Variants in VPS13B observed in about 807,000 individuals in gnomAD.
VPS13B encodes vacuolar protein sorting 13 homolog B.
Under a neutral mutation model 426.4 loss-of-function variants are expected in VPS13B, and 285 were observed. That is an observed-to-expected ratio of 0.67 (90% CI 0.61 to 0.74). The LOEUF (loss-of-function observed/expected upper bound fraction) is 0.74, where lower values mean the gene tolerates loss of function less well. Among genes scored for constraint, VPS13B ranks in the 30% least tolerant of loss-of-function variants. The pLI is 0.00. For missense variants in VPS13B, 4,537 were observed against 4,782.6 expected, an observed-to-expected ratio of 0.95 and a Z score of 1.51; for synonymous variants, 1,676 against 1,676.4, an observed-to-expected ratio of 1.00 and a Z score of 0.01.
At chr8:99,739,826 C>T (rs1809598612) in intron 39 of VPS13B, among the ~76,000 whole-genome samples, 1 of 152,128 alleles carries the variant, frequency 6.6e-6, no homozygotes, top group African/African-American at 2.4e-5. Flanking sequence ...ATCTGTACGT[C>T]ACCAAAATCA....
intron 30 of VPS13B, among the ~76,000 whole-genome samples, chr8:99,543,699 A>G (rs1823776414): frequency 6.7e-6 from 1 of 149,586 alleles, no homozygotes; most frequent in Admixed American, 6.6e-5. Context: ...GCAGCCAAAA[A>G]ACACATGAAA....
At chr8:99,376,354 TTATCTC>T (rs1181507035) in intron 19 of VPS13B, among the ~76,000 whole-genome samples, 5 of 152,166 alleles carry the variant, frequency 3.3e-5, no homozygotes, top group Admixed American at 3.3e-4. Flanking sequence ...AAAGAGAACA[TTATCTC>T]TAAATTGTAA....
intron 35 of VPS13B, among the ~76,000 whole-genome samples, chr8:99,674,837 T>C (rs191133025): frequency 1.0e-3 from 156 of 152,260 alleles, no homozygotes; most frequent in African/African-American, 3.6e-3. Flanking sequence ...AAAAAACCTC[T>C]ACTCTTATAC....
intron 58 of VPS13B, among the ~76,000 whole-genome samples, chr8:99,866,728 T>C (rs1817120352): frequency 6.6e-6 from 1 of 152,222 alleles, no homozygotes; most frequent in Non-Finnish European, 1.5e-5. Flanking sequence ...TTCACTTTGA[T>C]AATCTGCTGA....
chr8:99,609,842 T>A (rs763153078), intron 33 of VPS13B, among the ~76,000 whole-genome samples: 2 of 152,258 alleles, frequency 1.3e-5, no homozygotes, highest in Non-Finnish European at 2.9e-5. Flanking sequence ...TTCATGCTAC[T>A]GCCTGGATTC....
chr8:99,460,319 G>A (rs3134151), intron 23 of VPS13B, among the ~76,000 whole-genome samples: 39,760 of 151,750 alleles, frequency 0.26, 5,944 homozygotes, highest in East Asian at 0.44. Flanking sequence ...CCTCAGTTAA[G>A]CTCCTAAATT....
intron 3 of VPS13B, among the ~76,000 whole-genome samples, chr8:99,048,213 T>C (rs1445581451): frequency 2.6e-5 from 4 of 152,072 alleles, no homozygotes; most frequent in Non-Finnish European, 5.9e-5. Flanking sequence ...TCTGAGAGAG[T>C]GCTTGATATA....
At chr8:99,322,537 G>C (rs1272692811) in intron 19 of VPS13B, among the ~76,000 whole-genome samples, 1 of 152,154 alleles carries the variant, frequency 6.6e-6, no homozygotes, top group East Asian at 1.9e-4. Context: ...TAATTTGAGG[G>C]TTGGTCATTA....
chr8:99,438,227 A>G (rs1817498874), intron 22 of VPS13B, among the ~76,000 whole-genome samples: 1 of 152,028 alleles, frequency 6.6e-6, no homozygotes, highest in South Asian at 2.1e-4. Context: ...GGGTGTCTCA[A>G]GCAGCATGAG....
At chr8:99,834,546 AT>A (rs554743714) in intron 52 of VPS13B, among the ~76,000 whole-genome samples, 1 of 145,866 alleles carries the variant, frequency 6.9e-6, no homozygotes, top group African/African-American at 2.5e-5. Flanking sequence ...TTTATTTTTT[AT>A]TTTTTTTGAT....
At chr8:99,250,155 G>T (rs1037081462) in intron 17 of VPS13B, among the ~76,000 whole-genome samples, 1 of 151,984 alleles carries the variant, frequency 6.6e-6, no homozygotes, top group Non-Finnish European at 1.5e-5. Context: ...ATGTTTATTT[G>T]CTATCAGTGT....
intron 19 of VPS13B, among the ~76,000 whole-genome samples, chr8:99,324,863 A>G (rs1033508175): frequency 6.6e-6 from 1 of 152,130 alleles, no homozygotes. Context: ...CAAAGATTAT[A>G]TATGGTTTTA....
At chr8:99,828,014 A>G (rs1814796586) in intron 51 of VPS13B, among the ~76,000 whole-genome samples, 1 of 152,156 alleles carries the variant, frequency 6.6e-6, no homozygotes, top group Admixed American at 6.5e-5. Context: ...GAATTTTAGA[A>G]TAAGTGCTAG....
intron 51 of VPS13B, among the ~76,000 whole-genome samples, chr8:99,826,111 T>G (rs1814668304): frequency 2.0e-5 from 3 of 152,206 alleles, no homozygotes; most frequent in Non-Finnish European, 4.4e-5. Context: ...GTGAAGAAAG[T>G]CAATGGTAGC....
rs1180231209 is a variant in VPS13B at position 99,820,111 on chromosome 8, C to T, written c.8983C>T (p.Pro2995Ser). 3 of 1,613,688 alleles carry T rather than the reference C, an allele frequency of 1.9e-6. No individual in the cohort carries two copies. The highest frequency in any genetic ancestry group is 1.1e-5 in the South Asian group (1 of 91,066). ...TCCTGCTGGCAAAATTATTATTCCT[C>T]CTAATTTTCAGGTACTATAACTTTT... ...QVPAGKIIIP[P>S]NFQEAFQIGI... The change falls in exon 49 of 62, where the codon CCT (proline) becomes TCT (serine). Residue 2995 changes from proline (P) to serine (S), a missense_variant. Pro to Ser is a moderately conservative substitution (Grantham distance 74, BLOSUM62 -1). This residue lies in a region of VPS13B where 4,311 missense variants were observed against 4,474.3 expected (regional missense o/e 0.96). Transcript: ENST00000357162.
chr8:99,869,842 G>A (rs755465897), intron 59 of VPS13B, among the ~76,000 whole-genome samples: 3 of 151,966 alleles, frequency 2.0e-5, no homozygotes, highest in Non-Finnish European at 4.4e-5. Context: ...TTAGTCTAAT[G>A]ACTATGCGTC....
intron 2 of VPS13B, among the ~76,000 whole-genome samples, chr8:99,034,698 C>T (rs1842664560): frequency 6.6e-6 from 1 of 152,088 alleles, no homozygotes; most frequent in African/African-American, 2.4e-5. Context: ...TGTTTTGTTG[C>T]CTGACCCAAA....
intron 39 of VPS13B, among the ~76,000 whole-genome samples, chr8:99,764,099 A>T (rs1380869423): frequency 6.6e-6 from 1 of 152,168 alleles, no homozygotes; most frequent in East Asian, 1.9e-4. Context: ...AGGTGCTAGT[A>T]ATATTTTTTT....
chr8:99,743,833 G>T (rs1443827959), intron 39 of VPS13B, among the ~76,000 whole-genome samples: 1 of 152,132 alleles, frequency 6.6e-6, no homozygotes, highest in Non-Finnish European at 1.5e-5. Context: ...ATTCAAGATG[G>T]ATTAAAGACT....
Sources: gnomAD v4.1 joint callset for allele counts (sites outside exome capture counted in the v4.1 genomes callset) on GRCh38, gnomAD v4.1.1 for gene constraint, gnomAD v4.1.1 regional missense constraint, MANE v1.5 for transcripts, NCBI Gene and HGNC (gene_info 2026-07-23, HGNC 2026-07-21) for gene names.